Variants in OR5H14 observed in about 807,000 individuals in gnomAD.
OR5H14 encodes the protein olfactory receptor 5H14.
For synonymous variants in OR5H14, 155 were observed against 130.6 expected, an observed-to-expected ratio of 1.19 and a Z score of -1.28; for missense variants, 392 against 363.9, an observed-to-expected ratio of 1.08 and a Z score of -0.63.
chr3:98,149,383 G>C lies in OR5H14; in HGVS notation c.-3G>C. On this transcript the variant is annotated 5_prime_UTR_variant, in exon 2 of 2. Coordinates refer to ENST00000641380, the MANE Select transcript of OR5H14 (RefSeq NM_001005514.2). ...TTTATTTTAGAGGACATGCAGTGAGGACATGGAAGAGGAAAATGCAACATT... is the reference window on the plus strand; with the variant it reads ...TTTATTTTAGAGGACATGCAGTGAGCACATGGAAGAGGAAAATGCAACATT... The C allele has an allele frequency of 1.2e-6, 2 of 1,612,470 alleles. No homozygotes were observed. The highest frequency in any genetic ancestry group is 1.7e-6 in the Non-Finnish European group (2 of 1,178,918).
chr3:98,148,973 C>A (rs1708458950), intron 1 of OR5H14, among the ~76,000 whole-genome samples: 1 of 152,022 alleles, frequency 6.6e-6, no homozygotes, highest in Admixed American at 6.6e-5. Context: ...CATTTCCCAT[C>A]TGAAAGTATT....
rs1708542424 is a variant in OR5H14 at position 98,153,894 on chromosome 3, TAAGAAAACTCA to T, written c.*3581_*3591del. ...AGGAAAAGGGCAATGTATAGGTAGA[TAAGAAAACTCA>T]AAGATAACAGACAGAACTTGAATTT... is the stretch of plus-strand genomic sequence containing the variant. On this transcript the variant is annotated 3_prime_UTR_variant, in exon 2 of 2. Coordinates refer to ENST00000641380, the MANE Select transcript of OR5H14 (RefSeq NM_001005514.2). The T allele has an allele frequency of 1.3e-5, 2 of 152,146 alleles. No homozygotes were observed. Among genetic ancestry groups the T allele is most frequent in the African/African-American group, 4.8e-5 (2 of 41,444 alleles). 9.4% of individuals were successfully genotyped at this position (152,146 alleles called of 1,614,324 possible).
rs567816543 is a variant in OR5H14, at chr3:98,156,167, A to G, written c.*5849A>G. ...GCCTCCAAAATGCATCAGTACACAA[A>G]GAATTGCTGCCTGTGTTATTATCAG... is the stretch of plus-strand genomic sequence containing the variant. On this transcript the variant is annotated 3_prime_UTR_variant, in exon 2 of 2. Transcript: ENST00000641380. 7.4e-4 allele frequency: 112 copies of G among 152,290 alleles called. No homozygotes were observed. Among genetic ancestry groups the G allele is most frequent in the African/African-American group, 2.6e-3 (110 of 41,588 alleles). The allele number at this position is 152,290 out of a possible 1,614,324, so 9.4% of individuals were successfully genotyped here. A position where few individuals can be genotyped will look rare whatever the true frequency, so the allele number is the denominator to read the frequency against.
At position 98,149,621 on chromosome 3, in the gene OR5H14, T is replaced by C. The variant is rs752144406; in HGVS notation, c.236T>C (p.Leu79Pro). 6.2e-7 allele frequency: 1 copy of C among 1,613,616 alleles called. No individual in the cohort carries two copies. The highest frequency in any genetic ancestry group is 8.5e-7 in the Non-Finnish European group (1 of 1,179,606). Residue 79 changes from leucine to proline, a missense_variant, in exon 2 of 2, where the codon CTG becomes CCG. Transcript: ENST00000641380. The part of the protein sequence containing the change: ...VDALLSSSVT[L>P]KMLINFLAKS... ...GCTTTGTTATCATCCTCAGTGACTC[T>C]GAAGATGCTGATCAACTTCTTAGCT...
Position 98,153,477 on chromosome 3 carries a change from T to C in OR5H14, c.*3159T>C, listed in dbSNP as rs1321734859. The C allele has an allele frequency of 1.3e-5, 2 of 151,978 alleles. No homozygotes were observed. The highest frequency in any genetic ancestry group is 2.9e-5 in the Non-Finnish European group (2 of 68,012). 9.4% of individuals were successfully genotyped at this position (151,978 alleles called of 1,614,324 possible). On this transcript the variant is annotated 3_prime_UTR_variant, in exon 2 of 2. Coordinates refer to ENST00000641380, the MANE Select transcript of OR5H14 (RefSeq NM_001005514.2). The stretch of plus-strand genomic sequence containing the variant: ...AGGTGCCTGTGATCCCAGCTACTTA[T>C]GAGGCTGTGGCAGGAGAATCACTTA...
In OR5H14 at chr3:98,155,157, A is replaced by C. The variant is rs76594947; in HGVS notation, c.*4839A>C. The C allele has an allele frequency of 6.6e-6, 1 of 152,086 alleles. No individual in the cohort carries two copies. The highest frequency in any genetic ancestry group is 2.4e-5 in the African/African-American group (1 of 41,396). The allele number at this position is 152,086 out of a possible 1,614,324, so 9.4% of individuals were successfully genotyped here. A position where few individuals can be genotyped will look rare whatever the true frequency, so the allele number is the denominator to read the frequency against. On this transcript the variant is annotated 3_prime_UTR_variant, in exon 2 of 2. Transcript: ENST00000641380. ...CCACAAGAAGACAGTTTTAACCCCT[A>C]TGATTTTATCCCCAACACAACCAAT...
At chr3:98,149,180 C>A in intron 1 of OR5H14, 188 bp from the exon 2 acceptor site, 1 of 660,572 alleles carries the variant, frequency 1.5e-6, no homozygotes, top group Non-Finnish European at 2.5e-6. Flanking sequence ...CATATTACTA[C>A]CAAATTTTCA....
intron 1 of OR5H14, chr3:98,147,960 A>ACAGATACAGATACAGAT (rs1708444459): frequency 6.6e-6 from 1 of 152,000 alleles, no homozygotes; most frequent in Admixed American, 6.6e-5. Flanking sequence ...ACCTACAGAT[A>ACAGATACAGATACAGAT]AACTCCTGTA....
chr3:98,156,458 A>G lies in OR5H14; in HGVS notation c.*6140A>G, dbSNP rs930560896. Reference sequence around the variant, plus strand: ...TAAAATCTTGACAAGCAAAATACCTATAAAATAAGTTTTTAATGATAATTC... The same window carrying G: ...TAAAATCTTGACAAGCAAAATACCTGTAAAATAAGTTTTTAATGATAATTC... On this transcript the variant is annotated 3_prime_UTR_variant, in exon 2 of 2. Coordinates refer to ENST00000641380, the MANE Select transcript of OR5H14 (RefSeq NM_001005514.2). 8 of 152,160 alleles carry G rather than the reference A, an allele frequency of 5.3e-5. No homozygotes were observed. Among genetic ancestry groups the G allele is most frequent in the Non-Finnish European group, 1.2e-4 (8 of 67,998 alleles). 9.4% of individuals were successfully genotyped at this position (152,160 alleles called of 1,614,324 possible).
chr3:98,152,426 A>G lies in OR5H14; in HGVS notation c.*2108A>G, dbSNP rs2107319495. 1 of 152,310 alleles carries G rather than the reference A, an allele frequency of 6.6e-6. No individual in the cohort carries two copies. Among genetic ancestry groups the G allele is most frequent in the African/African-American group, 2.4e-5 (1 of 41,564 alleles). 9.4% of individuals were successfully genotyped at this position (152,310 alleles called of 1,614,324 possible). A position where few individuals can be genotyped will look rare whatever the true frequency, so the allele number is the denominator to read the frequency against. On this transcript the variant is annotated 3_prime_UTR_variant, in exon 2 of 2. Coordinates refer to ENST00000641380, the MANE Select transcript of OR5H14 (RefSeq NM_001005514.2). ...AAGGCCCATCAAGTATAGACTGGAT[A>G]AAGAAAATGTGGCAAATATACACCA...
In OR5H14 at chr3:98,150,247, A is replaced by C; in HGVS notation, c.862A>C (p.Met288Leu). ...YTVIVPLLNP[M>L]IYSLRNKQVI... The stretch of plus-strand genomic sequence containing the variant: ...TGTCATAGTTCCTTTATTAAATCCC[A>C]TGATCTACAGCCTGAGAAACAAGCA... Residue 288 changes from methionine to leucine, a missense_variant, in exon 2 of 2, where the codon ATG becomes CTG. Physicochemically the swap from Met to Leu is conservative, Grantham distance 15 (BLOSUM62 2). Coordinates refer to ENST00000641380, the MANE Select transcript of OR5H14 (RefSeq NM_001005514.2). The C allele has an allele frequency of 6.2e-7, 1 of 1,610,628 alleles. No individual in the cohort carries two copies. The highest frequency in any genetic ancestry group is 8.5e-7 in the Non-Finnish European group (1 of 1,178,578).
intron 1 of OR5H14, 102 bp from the exon 2 acceptor site, chr3:98,149,266 G>C: frequency 1.7e-6 from 2 of 1,174,080 alleles, no homozygotes; most frequent in Non-Finnish European, 2.4e-6. Flanking sequence ...TCAAAAAATT[G>C]AGTCTCTGAT....
rs1179319916 is a variant in OR5H14 at position 98,154,339 on chromosome 3, A to G, written c.*4021A>G. 6.6e-6 allele frequency: 1 copy of G among 152,240 alleles called. No homozygotes were observed. Among genetic ancestry groups the G allele is most frequent in the Non-Finnish European group, 1.5e-5 (1 of 68,040 alleles). 9.4% of individuals were successfully genotyped at this position (152,240 alleles called of 1,614,324 possible). On this transcript the variant is annotated 3_prime_UTR_variant, in exon 2 of 2. Transcript: ENST00000641380. ...GTACCTCACGTTTGGCTTCAGCTATAGGATTAACCAGGTTAAAGTATCATG... is the reference window on the plus strand; with the variant it reads ...GTACCTCACGTTTGGCTTCAGCTATGGGATTAACCAGGTTAAAGTATCATG...
At position 98,155,876 on chromosome 3, in the gene OR5H14, A is replaced by G. The variant is rs1708583180; in HGVS notation, c.*5558A>G. On this transcript the variant is annotated 3_prime_UTR_variant, in exon 2 of 2. Transcript: ENST00000641380. ...GCATAAAGTGTAATTTCAATTGTTA[A>G]AACCCAAACTGGGTACAGTGACTTA... is the stretch of plus-strand genomic sequence containing the variant. 18 of 152,176 alleles carry G rather than the reference A, an allele frequency of 1.2e-4. No individual in the cohort carries two copies. The allele number at this position is 152,176 out of a possible 1,614,324, so 9.4% of individuals were successfully genotyped here.
At position 98,152,538 on chromosome 3, in the gene OR5H14, C is replaced by T. The variant is rs1052670369; in HGVS notation, c.*2220C>T. ...GCTGGAAACCATTATTCTCAGCAAA[C>T]TAACACAGGAACAGAAAACAAAACA... is the stretch of plus-strand genomic sequence containing the variant. On this transcript the variant is annotated 3_prime_UTR_variant, in exon 2 of 2. Coordinates refer to ENST00000641380, the MANE Select transcript of OR5H14 (RefSeq NM_001005514.2). 6.6e-6 allele frequency: 1 copy of T among 152,136 alleles called. No individual in the cohort carries two copies. Among genetic ancestry groups the T allele is most frequent in the African/African-American group, 2.4e-5 (1 of 41,402 alleles). The allele number at this position is 152,136 out of a possible 1,614,324, so 9.4% of individuals were successfully genotyped here. A position where few individuals can be genotyped will look rare whatever the true frequency, so the allele number is the denominator to read the frequency against.
rs1469900011 is a variant in OR5H14 at position 98,152,757 on chromosome 3, G to A, written c.*2439G>A. 1 of 152,082 alleles carries A rather than the reference G, an allele frequency of 6.6e-6. No individual in the cohort carries two copies. The highest frequency in any genetic ancestry group is 6.5e-5 in the Admixed American group (1 of 15,272). The allele number at this position is 152,082 out of a possible 1,614,324, so 9.4% of individuals were successfully genotyped here. ...GGTGTAGCAAAACGCCATGGCACAT[G>A]TGTACCTATGTAACAACCTGCACAT... On this transcript the variant is annotated 3_prime_UTR_variant, in exon 2 of 2. Coordinates refer to ENST00000641380, the MANE Select transcript of OR5H14 (RefSeq NM_001005514.2).
In OR5H14 at chr3:98,149,919, C is replaced by A; in HGVS notation, c.534C>A (p.Tyr178Ter). The A allele has an allele frequency of 1.9e-6, 3 of 1,613,442 alleles. No individual in the cohort carries two copies. Among genetic ancestry groups the A allele is most frequent in the Non-Finnish European group, 2.5e-6 (3 of 1,179,686 alleles). ...FCNSNIIQHF[Y>*]CDIIPLLKIS... The stretch of plus-strand genomic sequence containing the variant: ...ACTCCAACATAATACAACACTTTTA[C>A]TGTGACATTATCCCATTGTTAAAGA... The change falls in exon 2 of 2, where the codon TAC becomes TAA. Residue 178 changes from tyrosine (Y) to a stop codon, truncating the protein, a stop_gained. Transcript: ENST00000641380. LOFTEE classifies it low-confidence loss of function (END_TRUNC).
chr3:98,155,650 A>G lies in OR5H14; in HGVS notation c.*5332A>G, dbSNP rs953562171. The G allele has an allele frequency of 6.6e-6, 1 of 152,230 alleles. No homozygotes were observed. The highest frequency in any genetic ancestry group is 1.5e-5 in the Non-Finnish European group (1 of 68,040). 9.4% of individuals were successfully genotyped at this position (152,230 alleles called of 1,614,324 possible). ...GATATATGTCTGGAGTTTCAGCTGC[A>G]GTTTGAAGGAGGAGGACAATTTTAC... On this transcript the variant is annotated 3_prime_UTR_variant, in exon 2 of 2. Transcript: ENST00000641380.
Position 98,155,905 on chromosome 3 carries a change from T to C in OR5H14, c.*5587T>C, listed in dbSNP as rs899319999. 6.6e-6 allele frequency: 1 copy of C among 152,162 alleles called. No homozygotes were observed. The allele number at this position is 152,162 out of a possible 1,614,324, so 9.4% of individuals were successfully genotyped here. On this transcript the variant is annotated 3_prime_UTR_variant, in exon 2 of 2. Transcript: ENST00000641380. ...CCAAACTGGGTACAGTGACTTAATA[T>C]CTATGTTTCTAAACTCTGCAATACC...
Sources: allele counts gnomAD v4.1 joint callset (sites outside exome capture counted in the v4.1 genomes callset), GRCh38; gene constraint gnomAD v4.1.1; transcripts MANE v1.5; gene names NCBI Gene and HGNC (gene_info 2026-07-23, HGNC 2026-07-21).